The following GRID2 variants were observed in gnomAD, a reference collection of about 807,000 sequenced individuals.
The protein encoded by GRID2 is glutamate receptor ionotropic, delta-2.
Under a neutral mutation model 114.8 loss-of-function variants are expected in GRID2, and 33 were observed. The observed-to-expected ratio is 0.29, with a 90% CI of 0.22 to 0.38. The LOEUF (loss-of-function observed/expected upper bound fraction) is 0.38. Among genes scored for constraint, GRID2 ranks in the 10% least tolerant of loss-of-function variants. GRID2 has a pLI of 1.00. For synonymous variants in GRID2, 505 were observed against 449.9 expected (o/e 1.12, Z -1.55); for missense variants, 1,184 against 1,257.7 (o/e 0.94, Z 0.89).
At chr4:92,696,721 G>T (rs1473551761) in intron 2 of GRID2, among the ~76,000 whole-genome samples, 5 of 152,084 alleles carry the variant, frequency 3.3e-5, no homozygotes, top group African/African-American at 7.2e-5. Flanking sequence ...AGAGGGGTAT[G>T]ATTTAAGAGT....
intron 1 of GRID2, among the ~76,000 whole-genome samples, chr4:92,464,178 T>G (rs952430876): frequency 1.3e-5 from 2 of 152,018 alleles, no homozygotes; most frequent in Non-Finnish European, 2.9e-5. Context: ...AAGAATCAAG[T>G]GTGTCACAGC....
At chr4:93,805,645 A>C (rs1022005775) in intron 1 of GRID2, among the ~76,000 whole-genome samples, 7 of 152,228 alleles carry the variant, frequency 4.6e-5, no homozygotes, top group African/African-American at 1.7e-4. Flanking sequence ...TAAGGATCAC[A>C]CTGATCCCTT....
At chr4:93,420,027 A>T (rs79345116) in intron 9 of GRID2, among the ~76,000 whole-genome samples, 2 of 152,128 alleles carry the variant, frequency 1.3e-5, no homozygotes, top group Non-Finnish European at 2.9e-5. Context: ...TAAATTACTG[A>T]TAAACATAGC....
chr4:92,698,969 A>G (rs1734544900), intron 2 of GRID2, among the ~76,000 whole-genome samples: 1 of 152,080 alleles, frequency 6.6e-6, no homozygotes, highest in Non-Finnish European at 1.5e-5. Context: ...TCGGACCCTG[A>G]TATTTTTTTC....
chr4:92,668,823 C>T (rs12646095), intron 2 of GRID2, among the ~76,000 whole-genome samples: 9,234 of 151,850 alleles, frequency 0.061, 340 homozygotes, highest in East Asian at 0.16. Context: ...TTATAGTCCC[C>T]TTGCCAAGTA....
At chr4:92,358,996 G>A (rs979659814) in intron 1 of GRID2, among the ~76,000 whole-genome samples, 7 of 151,790 alleles carry the variant, frequency 4.6e-5, no homozygotes, top group Non-Finnish European at 7.4e-5. Flanking sequence ...CCTTACATAG[G>A]CAACATTTTT....
chr4:93,091,155 T>C (rs1456257293), intron 3 of GRID2, among the ~76,000 whole-genome samples: 1 of 152,130 alleles, frequency 6.6e-6, no homozygotes, highest in Non-Finnish European at 1.5e-5. Flanking sequence ...AACCCTGACA[T>C]ATTATTATCT....
At chr4:92,392,282 C>T (rs564707190) in intron 1 of GRID2, among the ~76,000 whole-genome samples, 12 of 152,096 alleles carry the variant, frequency 7.9e-5, no homozygotes, top group East Asian at 7.8e-4. Flanking sequence ...TGGCTGGGCG[C>T]GGTGGCCTGT....
intron 2 of GRID2, among the ~76,000 whole-genome samples, chr4:92,703,943 A>C (rs1218030235): frequency 6.6e-6 from 1 of 152,084 alleles, no homozygotes; most frequent in Admixed American, 6.5e-5. Context: ...TGAGAGCCCA[A>C]CTCTCATTAA....
intron 2 of GRID2, among the ~76,000 whole-genome samples, chr4:92,689,965 T>C (rs2149291947): frequency 6.6e-6 from 1 of 152,338 alleles, no homozygotes; most frequent in Non-Finnish European, 1.5e-5. Flanking sequence ...GTAACTGGTT[T>C]GATCTTCAGT....
At chr4:93,750,488 G>GGCCA (rs1732225788) in intron 14 of GRID2, among the ~76,000 whole-genome samples, 1 of 152,178 alleles carries the variant, frequency 6.6e-6, no homozygotes, top group African/African-American at 2.4e-5. Context: ...AGGTGGTCTT[G>GGCCA]GCCAGGCGCG....
At chr4:92,954,205 A>G (rs1367576411) in intron 2 of GRID2, among the ~76,000 whole-genome samples, 2 of 152,146 alleles carry the variant, frequency 1.3e-5, no homozygotes, top group Non-Finnish European at 2.9e-5. Context: ...GTGTGTGTAT[A>G]TATGTATACA....
intron 1 of GRID2, among the ~76,000 whole-genome samples, chr4:92,486,354 A>G (rs1259161274): frequency 6.6e-6 from 1 of 151,930 alleles, no homozygotes; most frequent in South Asian, 2.1e-4. Flanking sequence ...CTCATATTTT[A>G]TATAAATTGA....
intron 4 of GRID2, among the ~76,000 whole-genome samples, chr4:93,135,175 T>C (rs921265822): frequency 6.6e-6 from 1 of 152,142 alleles, no homozygotes; most frequent in Non-Finnish European, 1.5e-5. Context: ...AACACATTAG[T>C]AAAATGTTCG....
intron 1 of GRID2, among the ~76,000 whole-genome samples, chr4:92,580,912 A>C (rs12498952): frequency 0.039 from 5,803 of 148,720 alleles, 131 homozygotes; most frequent in Middle Eastern, 0.09. Context: ...TTTTAAATGC[A>C]TCAGGTCAGT....
intron 14 of GRID2, among the ~76,000 whole-genome samples, chr4:93,714,697 T>A (rs113696396): frequency 0.042 from 6,417 of 152,310 alleles, 222 homozygotes; most frequent in African/African-American, 0.084. Context: ...TTGAGCTTTT[T>A]TTCATATGAT....
At chr4:93,713,403 A>T (rs1728650099) in intron 14 of GRID2, among the ~76,000 whole-genome samples, 1 of 152,006 alleles carries the variant, frequency 6.6e-6, no homozygotes, top group Non-Finnish European at 1.5e-5. Context: ...GGACTTCATA[A>T]CTTTGACAGA....
At chr4:92,655,429 T>C (rs1422656881) in intron 2 of GRID2, among the ~76,000 whole-genome samples, 3 of 151,880 alleles carry the variant, frequency 2.0e-5, no homozygotes, top group East Asian at 1.9e-4. Context: ...AAAATAACTT[T>C]TGTGTTTTGA....
chr4:93,251,702 C>T (rs1748951665), intron 8 of GRID2, among the ~76,000 whole-genome samples: 2 of 152,056 alleles, frequency 1.3e-5, no homozygotes. Context: ...TGTGTCGTTC[C>T]CCTCTATGAA....
Sources: allele counts gnomAD v4.1 joint callset (sites outside exome capture counted in the v4.1 genomes callset), GRCh38; gene constraint gnomAD v4.1.1; transcripts MANE v1.5; gene names NCBI Gene and HGNC (gene_info 2026-07-23, HGNC 2026-07-21).